SDK1: variants seen among roughly 807,000 people sequenced by gnomAD.
SDK1 encodes sidekick cell adhesion molecule 1.
Under a neutral mutation model 245.5 loss-of-function variants are expected in SDK1, and 157 were observed. The observed-to-expected ratio is 0.64, with a 90% CI of 0.56 to 0.73. SDK1 has a LOEUF of 0.73. Among genes scored for constraint, SDK1 ranks in the 30% least tolerant of loss-of-function variants. The probability of loss-of-function intolerance (pLI) is 0.00; values close to 1 mark genes in which losing one functional copy is unlikely to be tolerated. For missense variants in SDK1, 3,583 were observed against 3,002.3 expected (o/e 1.19, Z -4.52); for synonymous variants, 1,647 against 1,278.5 (o/e 1.29, Z -6.15).
chr7:3,883,226 T>A (rs1244408354), intron 5 of SDK1, among the ~76,000 whole-genome samples: 1 of 152,210 alleles, frequency 6.6e-6, no homozygotes, highest in Admixed American at 6.5e-5. Flanking sequence ...TTCCTCTGTT[T>A]TCTGCATTGG....
At chr7:3,311,456 G>A (rs1161953968) in intron 1 of SDK1, among the ~76,000 whole-genome samples, 1 of 152,112 alleles carries the variant, frequency 6.6e-6, no homozygotes, top group Non-Finnish European at 1.5e-5. Context: ...GAGTCAACCG[G>A]TATGTTCTTG....
rs536677356 is a variant in SDK1, at chr7:4,263,398, A to G, written c.6382-1726A>G. Among the ~76,000 whole-genome samples the G allele has an allele frequency of 2.0e-5, 3 of 149,634 alleles. No individual in the cohort carries two copies. The South Asian group carries it at 6.4e-4, about 32-fold the overall frequency. On this transcript the variant is annotated intron_variant, in intron 44 of 44. Coordinates refer to ENST00000404826, the MANE Select transcript of SDK1 (RefSeq NM_152744.4). ...TCTGCTGGGTGGGGAGGCCACCTAGATCTTTGCTGGGGTGGGAAGGCTGTG... is the reference window on the plus strand; with the variant it reads ...TCTGCTGGGTGGGGAGGCCACCTAGGTCTTTGCTGGGGTGGGAAGGCTGTG...
chr7:3,667,722 G>T (rs1354544936), intron 4 of SDK1, among the ~76,000 whole-genome samples: 2 of 152,058 alleles, frequency 1.3e-5, no homozygotes, highest in South Asian at 2.1e-4. Flanking sequence ...AATCTGGCTT[G>T]TTTCAGTTCT....
intron 1 of SDK1, among the ~76,000 whole-genome samples, chr7:3,610,665 A>G (rs755233395): frequency 4.6e-5 from 7 of 152,248 alleles, no homozygotes; most frequent in Non-Finnish European, 8.8e-5. Context: ...TCTCACTGGA[A>G]GCTTGAATGG....
chr7:3,485,132 C>G (rs564561277), intron 1 of SDK1, among the ~76,000 whole-genome samples: 2 of 152,128 alleles, frequency 1.3e-5, no homozygotes, highest in Admixed American at 1.3e-4. Context: ...ACCGTATGAA[C>G]ATTCTTTTTC....
chr7:3,467,667 C>T (rs991515444), intron 1 of SDK1, among the ~76,000 whole-genome samples: 10 of 152,068 alleles, frequency 6.6e-5, no homozygotes, highest in South Asian at 2.1e-4. Context: ...TTGTTTAAAC[C>T]TTACATTCAA....
At position 3,375,946 on chromosome 7, in the gene SDK1, G is replaced by C. The variant is rs566465973; in HGVS notation, c.298+74062G>C. ...AATTCATATACAGCAATAAGTAACT[G>C]ATCAGATGGATTATTCAGTCAGTGG... is the stretch of plus-strand genomic sequence containing the variant. On this transcript the variant is annotated intron_variant, in intron 1 of 44. Transcript: ENST00000404826. Among the ~76,000 whole-genome samples the C allele has an allele frequency of 4.3e-4, 66 of 152,336 alleles. 1 individual carries two copies. The South Asian group carries it at 0.014, about 32-fold the overall frequency.
intron 2 of SDK1, among the ~76,000 whole-genome samples, chr7:3,624,899 G>C (rs1779689761): frequency 6.6e-6 from 1 of 151,952 alleles, no homozygotes; most frequent in South Asian, 2.1e-4. Context: ...TACAAAATTA[G>C]CTGGTTGTCG....
In SDK1 at chr7:3,959,000, G is replaced by T. The variant is rs749157703; in HGVS notation, c.1220G>T (p.Gly407Val). The T allele has an allele frequency of 4.3e-6, 7 of 1,613,734 alleles. No homozygotes were observed. In the African/African-American group the frequency reaches 9.3e-5, roughly 22 times the overall value. ...GAAGTAGAAGAAACTGTGGACATCGGATGTCAAGCCATGGGTGAGTGCAGA... is the reference window on the plus strand; with the variant it reads ...GAAGTAGAAGAAACTGTGGACATCGTATGTCAAGCCATGGGTGAGTGCAGA... ...SAEVEETVDI[G>V]CQAMGVPLPT... The change falls in exon 8 of 45, where the codon GGA becomes GTA. Residue 407 changes from glycine (G) to valine (V), a missense_variant. Coordinates refer to ENST00000404826, the MANE Select transcript of SDK1 (RefSeq NM_152744.4).
At chr7:3,403,824 C>CACATAT (rs71550401) in intron 1 of SDK1, among the ~76,000 whole-genome samples, 1 of 60,750 alleles carries the variant, frequency 1.6e-5, no homozygotes, top group African/African-American at 5.0e-5. Flanking sequence ...AAATATCTTA[C>CACATAT]ATATATATAT....
intron 26 of SDK1, among the ~76,000 whole-genome samples, chr7:4,128,957 G>A (rs1784586300): frequency 7.6e-6 from 1 of 131,090 alleles, no homozygotes; most frequent in Admixed American, 7.5e-5. Flanking sequence ...AGAGCAGCTT[G>A]GGGTGGGGTC....
chr7:3,949,717 T>C (rs1222090181), intron 5 of SDK1, among the ~76,000 whole-genome samples: 3 of 152,232 alleles, frequency 2.0e-5, no homozygotes, highest in Admixed American at 6.5e-5. Flanking sequence ...GTTAAATGTA[T>C]TTTAGAGAAA....
intron 1 of SDK1, among the ~76,000 whole-genome samples, chr7:3,614,749 G>A (rs1459667581): frequency 6.6e-6 from 1 of 152,136 alleles, no homozygotes; most frequent in Non-Finnish European, 1.5e-5. Flanking sequence ...CAAAATACGT[G>A]TCGTTATGAT....
chr7:4,191,441 G>T (rs1228072313), intron 35 of SDK1, among the ~76,000 whole-genome samples: 1 of 152,250 alleles, frequency 6.6e-6, no homozygotes, highest in Non-Finnish European at 1.5e-5. Context: ...ATTTGGAAAG[G>T]CTCCCTCACC....
chr7:3,908,316 AG>A (rs1478637460), intron 5 of SDK1, among the ~76,000 whole-genome samples: 1 of 152,194 alleles, frequency 6.6e-6, no homozygotes, highest in Non-Finnish European at 1.5e-5. Context: ...AAGTGGAAGC[AG>A]GGAGGGCAGG....
intron 1 of SDK1, among the ~76,000 whole-genome samples, chr7:3,593,831 T>C (rs1780966571): frequency 6.9e-6 from 1 of 145,340 alleles, no homozygotes; most frequent in South Asian, 2.2e-4. Flanking sequence ...TTCGCAGCTC[T>C]TTTCTCTTTC....
intron 1 of SDK1, among the ~76,000 whole-genome samples, chr7:3,392,419 C>T (rs11765903): frequency 0.75 from 113,240 of 151,892 alleles, 42,390 homozygotes; most frequent in South Asian, 0.84. Context: ...CATTAGTTTT[C>T]TTTTATATAT....
intron 28 of SDK1, among the ~76,000 whole-genome samples, chr7:4,133,352 C>T (rs1163085551): frequency 4.6e-5 from 7 of 152,234 alleles, no homozygotes; most frequent in Non-Finnish European, 8.8e-5. Context: ...AGGACTTTCC[C>T]TGTGCAGGTG....
At chr7:3,846,303 T>A (rs975903795) in intron 5 of SDK1, among the ~76,000 whole-genome samples, 4 of 152,240 alleles carry the variant, frequency 2.6e-5, no homozygotes, top group African/African-American at 9.6e-5. Flanking sequence ...TCCTATAAAT[T>A]ATGTTTATTG....
Sources: allele counts gnomAD v4.1 joint callset (sites outside exome capture counted in the v4.1 genomes callset), GRCh38; gene constraint gnomAD v4.1.1; transcripts MANE v1.5; gene names NCBI Gene and HGNC (gene_info 2026-07-23, HGNC 2026-07-21).